The following ATXN7L1 variants were observed in gnomAD, a reference collection of about 807,000 sequenced individuals.
The protein encoded by ATXN7L1 is ataxin 7 like 1.
Under a neutral mutation model 70.8 loss-of-function variants are expected in ATXN7L1, and 15 were observed. The observed-to-expected ratio is 0.21, with a 90% CI of 0.14 to 0.33. The LOEUF (loss-of-function observed/expected upper bound fraction) is 0.33, where lower values mean the gene tolerates loss of function less well. Among genes scored for constraint, ATXN7L1 ranks in the 10% least tolerant of loss-of-function variants. The probability of loss-of-function intolerance (pLI) is 1.00; values close to 1 mark genes in which losing one functional copy is unlikely to be tolerated. For missense variants in ATXN7L1, 975 were observed against 1,097.1 expected (o/e 0.89, Z 1.57); for synonymous variants, 440 against 445.1 (o/e 0.99, Z 0.14).
chr7:105,643,173 T>G (rs1798509355), intron 4 of ATXN7L1, 52 bp from the exon 5 acceptor site: 3 of 1,457,952 alleles, frequency 2.1e-6, no homozygotes. Flanking sequence ...ATACATCTAG[T>G]CTGCTGAGGA....
chr7:105,663,292 C>A (rs569099012), intron 4 of ATXN7L1, among the ~76,000 whole-genome samples: 1 of 152,192 alleles, frequency 6.6e-6, no homozygotes, highest in African/African-American at 2.4e-5. Flanking sequence ...AGCTTGCCCA[C>A]GAGGCCCAGC....
intron 3 of ATXN7L1, among the ~76,000 whole-genome samples, chr7:105,684,274 G>A (rs1805899219): frequency 6.6e-6 from 1 of 152,190 alleles, no homozygotes; most frequent in African/African-American, 2.4e-5. Flanking sequence ...CCAAATGTTT[G>A]TTCCTTGAAA....
intron 3 of ATXN7L1, among the ~76,000 whole-genome samples, chr7:105,747,740 T>C (rs560256598): frequency 2.8e-4 from 42 of 152,210 alleles, no homozygotes; most frequent in African/African-American, 9.9e-4. Context: ...AGCGTCAGAA[T>C]TGAATTAGAG....
chr7:105,807,756 C>T (rs1339434284), intron 2 of ATXN7L1, among the ~76,000 whole-genome samples: 1 of 152,228 alleles, frequency 6.6e-6, no homozygotes, highest in Admixed American at 6.5e-5. Context: ...GCCCAGACCT[C>T]TCCAGACCGA....
chr7:105,830,383 C>T (rs989779404), intron 2 of ATXN7L1, among the ~76,000 whole-genome samples: 2 of 152,286 alleles, frequency 1.3e-5, no homozygotes, highest in African/African-American at 4.8e-5. Context: ...ACCACTGCCC[C>T]ATACCTGTGA....
intron 4 of ATXN7L1, among the ~76,000 whole-genome samples, chr7:105,657,557 C>T (rs1347665280): frequency 6.6e-6 from 1 of 151,670 alleles, no homozygotes; most frequent in Admixed American, 6.6e-5. Flanking sequence ...ATTAGCCAGG[C>T]ACAGTAGTGT....
intron 11 of ATXN7L1, among the ~76,000 whole-genome samples, chr7:105,608,798 C>A (rs1410785106): frequency 6.6e-6 from 1 of 152,146 alleles, no homozygotes; most frequent in Non-Finnish European, 1.5e-5. Flanking sequence ...GTGGGAAAAT[C>A]CCAAAGGGCA....
chr7:105,674,030 T>C (rs1001989762), intron 3 of ATXN7L1, among the ~76,000 whole-genome samples: 3 of 152,196 alleles, frequency 2.0e-5, no homozygotes, highest in Non-Finnish European at 2.9e-5. Flanking sequence ...TTGTGAGCTT[T>C]TCTGGAGTGC....
chr7:105,733,685 T>A (rs1268877935), intron 3 of ATXN7L1, among the ~76,000 whole-genome samples: 58 of 105,714 alleles, frequency 5.5e-4, no homozygotes, highest in Admixed American at 8.8e-4. Context: ...CATCCACCCA[T>A]CCACCCATCC....
At chr7:105,848,390 A>G (rs1814379645) in intron 2 of ATXN7L1, among the ~76,000 whole-genome samples, 2 of 152,324 alleles carry the variant, frequency 1.3e-5, no homozygotes, top group South Asian at 2.1e-4. Flanking sequence ...CTAAGAATTT[A>G]TGCTTTAGAA....
chr7:105,670,551 C>A (rs114742790), intron 3 of ATXN7L1, among the ~76,000 whole-genome samples: 1 of 152,054 alleles, frequency 6.6e-6, no homozygotes, highest in African/African-American at 2.4e-5. Flanking sequence ...TCTACATATA[C>A]GTATCAAATT....
chr7:105,755,626 C>T (rs183611445), intron 3 of ATXN7L1, among the ~76,000 whole-genome samples: 1 of 152,302 alleles, frequency 6.6e-6, no homozygotes, highest in East Asian at 1.9e-4. Context: ...TCTCTAATTT[C>T]TGACCAAGCT....
intron 3 of ATXN7L1, among the ~76,000 whole-genome samples, chr7:105,766,141 G>A (rs192795412): frequency 5.3e-5 from 8 of 150,572 alleles, no homozygotes; most frequent in East Asian, 1.9e-4. Flanking sequence ...CAAAGGAATC[G>A]CAGGTCAACC....
At chr7:105,621,959 C>G (rs896275037) in intron 8 of ATXN7L1, among the ~76,000 whole-genome samples, 1 of 152,196 alleles carries the variant, frequency 6.6e-6, no homozygotes, top group African/African-American at 2.4e-5. Flanking sequence ...AAACACTTTT[C>G]TGCACCTTCA....
At chr7:105,814,244 C>T (rs1418052506) in intron 2 of ATXN7L1, among the ~76,000 whole-genome samples, 1 of 152,114 alleles carries the variant, frequency 6.6e-6, no homozygotes, top group East Asian at 1.9e-4. Context: ...CTGATGGCCC[C>T]CTGAAATTGA....
At chr7:105,724,411 TA>T (rs1272238421) in intron 3 of ATXN7L1, among the ~76,000 whole-genome samples, 1 of 151,358 alleles carries the variant, frequency 6.6e-6, no homozygotes, top group East Asian at 1.9e-4. Flanking sequence ...CCATCTCTAC[TA>T]AAAATACAAA....
chr7:105,733,865 T>C (rs113351916), intron 3 of ATXN7L1, among the ~76,000 whole-genome samples: 36 of 87,292 alleles, frequency 4.1e-4, no homozygotes, highest in East Asian at 9.7e-4. Flanking sequence ...CATCCATCCA[T>C]CCATCCATCC....
intron 2 of ATXN7L1, among the ~76,000 whole-genome samples, chr7:105,859,782 CTTTTTTTTTTTTTT>C (rs34111825): frequency 1.1e-5 from 1 of 94,146 alleles, no homozygotes; most frequent in Non-Finnish European, 2.2e-5. Context: ...TTCTTTCTTT[CTTTTTTTTTTTTTT>C]TTTTGAGACA....
intron 2 of ATXN7L1, among the ~76,000 whole-genome samples, chr7:105,791,694 C>T (rs944926050): frequency 3.3e-5 from 5 of 152,156 alleles, no homozygotes; most frequent in Admixed American, 1.3e-4. Context: ...ATTAACACTT[C>T]GCATCTCATT....
Sources: allele counts gnomAD v4.1 joint callset (sites outside exome capture counted in the v4.1 genomes callset), GRCh38; gene constraint gnomAD v4.1.1; transcripts MANE v1.5; gene names NCBI Gene and HGNC (gene_info 2026-07-23, HGNC 2026-07-21).